The following SPEN variants were observed in gnomAD, a reference collection of about 807,000 sequenced individuals.
SPEN encodes spen family transcriptional repressor.
SPEN carries 18 observed loss-of-function variants against 269.9 expected under a neutral mutation model. The ratio of observed to expected loss-of-function variants is 0.07; its 90% CI spans 0.05 to 0.10. The LOEUF is 0.10. Ranked by LOEUF, SPEN falls within the 10% of genes least tolerant of loss-of-function variation. SPEN has a pLI of 1.00. For synonymous variants in SPEN, 1,726 were observed against 1,765.7 expected (o/e 0.98, Z 0.56); for missense variants, 3,822 against 4,631.2 (o/e 0.83, Z 5.07).
At chr1:15,880,604 G>A (rs1451164695) in intron 3 of SPEN, among the ~76,000 whole-genome samples, 1 of 151,648 alleles carries the variant, frequency 6.6e-6, no homozygotes, top group Non-Finnish European at 1.5e-5. Context: ...TACAGGCACT[G>A]CCACCATGCC....
Position 15,928,273 on chromosome 1 carries a change from G to T in SPEN, c.2033G>T (p.Arg678Leu). Residue 678 changes from arginine (R) to leucine (L), a missense_variant, in exon 11 of 15, where the codon CGG (arginine) becomes CTG (leucine). This residue lies in a region of SPEN where 572 missense variants were observed against 582.6 expected (regional missense o/e 0.98). Coordinates refer to ENST00000375759, the MANE Select transcript of SPEN (RefSeq NM_015001.3). This position sits in a 1 kb window ranked among gnomAD's most constrained non-coding sequence, Gnocchi z 5.7. ...GAATCACGATACTACGATGATCCTC[G>T]GGAATACAGGGATTACAGGAATGAT... is the stretch of plus-strand genomic sequence containing the variant. ...YYESRYYDDP[R>L]EYRDYRNDPY... 2 of 1,614,134 alleles carry T rather than the reference G, an allele frequency of 1.2e-6. No individual in the cohort carries two copies. The highest frequency in any genetic ancestry group is 2.2e-5 in the South Asian group (2 of 91,072).
intron 1 of SPEN, among the ~76,000 whole-genome samples, chr1:15,869,155 C>T (rs543899601): frequency 9.1e-4 from 138 of 152,142 alleles, no homozygotes; most frequent in African/African-American, 3.2e-3. Context: ...CTCCCAGGTT[C>T]AAGCGATTCC....
chr1:15,935,525 G>A lies in SPEN; in HGVS notation c.9285G>A (p.Gln3095=). 10 of 1,614,054 alleles carry A rather than the reference G, an allele frequency of 6.2e-6. No homozygotes were observed. The highest frequency in any genetic ancestry group is 8.5e-6 in the Non-Finnish European group (10 of 1,180,002). ...TQTVSLSHLS[Q]GEVRMNTPTL... ...CTGTGTCCCTGAGCCACCTCTCCCA[G>A]GGCGAGGTGAGAATGAACACTCCCA... The change falls in exon 11 of 15, where the codon CAG becomes CAA. Residue 3095 remains glutamine, a synonymous_variant. Coordinates refer to ENST00000375759, the MANE Select transcript of SPEN (RefSeq NM_015001.3). The surrounding 1 kb of genome is among the most constrained non-coding windows in gnomAD (Gnocchi z 7.7).
chr1:15,876,855 G>A, intron 3 of SPEN, 177 bp downstream of exon 3: 1 of 598,162 alleles, frequency 1.7e-6, no homozygotes, highest in Non-Finnish European at 2.9e-6. Context: ...AGTACTCGAA[G>A]TTAAGTGATG....
At chr1:15,912,576 C>CG in intron 5 of SPEN, among the ~76,000 whole-genome samples, 1 of 152,190 alleles carries the variant, frequency 6.6e-6, no homozygotes, top group South Asian at 2.1e-4. Context: ...AAAACTGGCA[C>CG]GGAATTGTTA....
In SPEN at chr1:15,937,546, A is replaced by G; in HGVS notation, c.10410A>G (p.Gly3470=). The change falls in exon 12 of 15, where the codon GGA becomes GGG. Residue 3470 remains glycine (G), a synonymous_variant. Coordinates refer to ENST00000375759, the MANE Select transcript of SPEN (RefSeq NM_015001.3). The surrounding 1 kb of genome is among the most constrained non-coding windows in gnomAD (Gnocchi z 5.7). Reference sequence around the variant, plus strand: ...CCTCTGGCCCCAGCACCCCACCAGGACTGGTTCTGCCACACACTGAATTCC... The same window carrying G: ...CCTCTGGCCCCAGCACCCCACCAGGGCTGGTTCTGCCACACACTGAATTCC... The part of the protein sequence containing the change: ...PTTSGPSTPP[G]LVLPHTEFQP... 1.2e-6 allele frequency: 2 copies of G among 1,614,102 alleles called. No homozygotes were observed. The highest frequency in any genetic ancestry group is 1.7e-6 in the Non-Finnish European group (2 of 1,180,010).
chr1:15,876,056 G>A, intron 2 of SPEN, 146 bp from the exon 3 acceptor site: 1 of 625,104 alleles, frequency 1.6e-6, no homozygotes, highest in Non-Finnish European at 2.8e-6. Flanking sequence ...AAGCTTGTTA[G>A]CGTTTGCTTA....
In SPEN at chr1:15,848,793, A is replaced by G. The variant is rs1400321929; in HGVS notation, c.83+643A>G. ...GGGGCTGGGTGGAGAGTGGTGTGAAATAAGTTGGTGCGCCCGTTTGGGCTT... is the reference window on the plus strand; with the variant it reads ...GGGGCTGGGTGGAGAGTGGTGTGAAGTAAGTTGGTGCGCCCGTTTGGGCTT... On this transcript the variant is annotated intron_variant, in intron 1 of 14. Coordinates refer to ENST00000375759, the MANE Select transcript of SPEN (RefSeq NM_015001.3). This position sits in a 1 kb window ranked among gnomAD's most constrained non-coding sequence, Gnocchi z 5.1. Among the ~76,000 whole-genome samples, 4 of 151,942 alleles carry G rather than the reference A, an allele frequency of 2.6e-5. No homozygotes were observed. The South Asian group carries it at 6.2e-4, about 24-fold the overall frequency.
chr1:15,885,677 G>A (rs982322208), intron 3 of SPEN, among the ~76,000 whole-genome samples: 13 of 152,116 alleles, frequency 8.5e-5, no homozygotes, highest in African/African-American at 3.1e-4. Flanking sequence ...CATTTTGAGC[G>A]GCTCTCTTAA....
At chr1:15,874,364 G>A (rs997817005) in intron 2 of SPEN, 7 of 1,365,924 alleles carry the variant, frequency 5.1e-6, no homozygotes, top group Non-Finnish European at 6.9e-6. Context: ...ATTTAATTGG[G>A]ATTATAGGTC....
chr1:15,881,068 A>G (rs1378689422), intron 3 of SPEN, among the ~76,000 whole-genome samples: 4 of 152,138 alleles, frequency 2.6e-5, no homozygotes, highest in Non-Finnish European at 4.4e-5. Flanking sequence ...TCCTGGGCTC[A>G]AACCATCCTC....
chr1:15,930,324 A>G lies in SPEN; in HGVS notation c.4084A>G (p.Arg1362Gly). 6.2e-7 allele frequency: 1 copy of G among 1,614,040 alleles called. No individual in the cohort carries two copies. Among genetic ancestry groups the G allele is most frequent in the East Asian group, 2.2e-5 (1 of 44,888 alleles). The part of the protein sequence containing the change: ...DVSFPNSIIK[R>G]DSLRKRSVRD... ...GAGTTTCCCAAACAGCATAATTAAGAGAGATAGCCTTCGAAAAAGGTCTGT... is the reference window on the plus strand; with the variant it reads ...GAGTTTCCCAAACAGCATAATTAAGGGAGATAGCCTTCGAAAAAGGTCTGT... Residue 1362 changes from arginine (R) to glycine (G), a missense_variant, in exon 11 of 15, where the codon AGA becomes GGA. Physicochemically the swap from Arg to Gly is moderately radical, Grantham distance 125. Around this residue, in one of 16 missense-constraint regions of SPEN, gnomAD observed 267 missense variants for 315.5 expected, o/e 0.85. Transcript: ENST00000375759. The surrounding 1 kb of genome is among the most constrained non-coding windows in gnomAD (Gnocchi z 5.3).
At chr1:15,920,386 G>T (rs1363274597) in intron 8 of SPEN, among the ~76,000 whole-genome samples, 1 of 152,170 alleles carries the variant, frequency 6.6e-6, no homozygotes. Context: ...TGTAGCTTTT[G>T]TTGTTTAGAG....
At chr1:15,938,111 G>A (rs1302015270) in intron 13 of SPEN, 105 bp downstream of exon 13, 1 of 1,052,904 alleles carries the variant, frequency 9.5e-7, no homozygotes, top group East Asian at 2.5e-5. Flanking sequence ...AGCATTAACT[G>A]TATTCTTGTT....
intron 7 of SPEN, 39 bp from the exon 8 acceptor site, chr1:15,919,365 G>T: frequency 7.6e-7 from 1 of 1,321,978 alleles, no homozygotes; most frequent in South Asian, 1.3e-5. Flanking sequence ...AATAGTAATT[G>T]TGAACTTTAC....
At chr1:15,856,236 C>T (rs539076583) in intron 1 of SPEN, among the ~76,000 whole-genome samples, 22 of 151,854 alleles carry the variant, frequency 1.4e-4, no homozygotes, top group Non-Finnish European at 2.5e-4. Flanking sequence ...AGGATCCGCC[C>T]GCCTCGGCCT....
rs1315784236 is a variant in SPEN at position 15,876,434 on chromosome 1, A to G, written c.637A>G (p.Ser213Gly). 6.2e-7 allele frequency: 1 copy of G among 1,613,902 alleles called. No individual in the cohort carries two copies. Among genetic ancestry groups the G allele is most frequent in the South Asian group, 1.1e-5 (1 of 91,070 alleles). The change falls in exon 3 of 15, where the codon AGT (serine) becomes GGT (glycine). Residue 213 changes from serine (S) to glycine (G), a missense_variant. Coordinates refer to ENST00000375759, the MANE Select transcript of SPEN (RefSeq NM_015001.3). ...PRAREQFTLPSVVHRDIYRDD... is the reference protein window; with the variant it reads ...PRAREQFTLPGVVHRDIYRDD... ...GGCTCGCGAGCAGTTTACACTGCCC[A>G]GTGTGGTACACAGGGATATCTACAG...
At chr1:15,875,508 A>G (rs2070622053) in intron 2 of SPEN, among the ~76,000 whole-genome samples, 1 of 152,074 alleles carries the variant, frequency 6.6e-6, no homozygotes, top group Non-Finnish European at 1.5e-5. Flanking sequence ...TTAAATTCAC[A>G]TAGAGTAGCA....
intron 3 of SPEN, among the ~76,000 whole-genome samples, chr1:15,878,316 T>C (rs999809831): frequency 6.6e-6 from 1 of 152,184 alleles, no homozygotes; most frequent in Non-Finnish European, 1.5e-5. Flanking sequence ...TGAATGTCTG[T>C]TTTTAGGCTT....
Sources: allele counts gnomAD v4.1 joint callset (sites outside exome capture counted in the v4.1 genomes callset), GRCh38; gene constraint gnomAD v4.1.1; regional missense constraint gnomAD v4.1.1; non-coding constraint Gnocchi (gnomAD v3.1); transcripts MANE v1.5; gene names NCBI Gene and HGNC (gene_info 2026-07-23, HGNC 2026-07-21).